ZFHX3: variants seen among roughly 807,000 people sequenced by gnomAD.
ZFHX3 encodes zinc finger homeobox protein 3.
In ZFHX3, 42 loss-of-function variants were observed where a neutral mutation model predicts 279.1. That is an observed-to-expected ratio of 0.15 (90% confidence interval 0.12 to 0.19). ZFHX3 has a LOEUF of 0.19. Among genes scored for constraint, ZFHX3 ranks in the 10% least tolerant of loss-of-function variants. The pLI is 1.00. For missense variants in ZFHX3, 4,981 were observed against 4,754.0 expected (o/e 1.05, Z -1.40); for synonymous variants, 2,293 against 1,957.8 (o/e 1.17, Z -4.52).
At chr16:73,583,134 C>T (rs1056297356) in intron 2 of ZFHX3, among the ~76,000 whole-genome samples, 2 of 152,176 alleles carry the variant, frequency 1.3e-5, no homozygotes, top group African/African-American at 4.8e-5. Context: ...TTGCAGAAAA[C>T]TCAACCTGCA....
At chr16:72,982,265 G>C (rs930891882) in intron 1 of ZFHX3, among the ~76,000 whole-genome samples, 1 of 152,084 alleles carries the variant, frequency 6.6e-6, no homozygotes, top group African/African-American at 2.4e-5. Context: ...GATTTTACAG[G>C]TTTAAAAAAA....
intron 2 of ZFHX3, among the ~76,000 whole-genome samples, chr16:73,640,618 G>A (rs1390642361): frequency 1.3e-5 from 2 of 152,052 alleles, no homozygotes; most frequent in African/African-American, 4.8e-5. Context: ...TTGAATGGTA[G>A]GAAGATAAAA....
intron 1 of ZFHX3, among the ~76,000 whole-genome samples, chr16:73,705,383 G>C (rs1567556597): frequency 6.6e-6 from 1 of 152,074 alleles, no homozygotes; most frequent in African/African-American, 2.4e-5. Context: ...GAGAGGGTGA[G>C]AGCAGCAAAG....
chr16:73,580,730 C>A (rs9927483), intron 2 of ZFHX3, among the ~76,000 whole-genome samples: 4,230 of 151,798 alleles, frequency 0.028, 260 homozygotes, highest in African/African-American at 0.097. Flanking sequence ...CTGTCAAGCA[C>A]TCCCCTGCCA....
At chr16:73,509,091 C>T (rs1348072531) in intron 2 of ZFHX3, among the ~76,000 whole-genome samples, 4 of 152,210 alleles carry the variant, frequency 2.6e-5, no homozygotes, top group Non-Finnish European at 5.9e-5. Context: ...CCAAGGTCTT[C>T]CCTCCTTTGG....
At position 72,958,314 on chromosome 16, in the gene ZFHX3, C is replaced by A; in HGVS notation, c.1832G>T (p.Gly611Val). 1 of 1,614,078 alleles carries A rather than the reference C, an allele frequency of 6.2e-7. No homozygotes were observed. Among genetic ancestry groups the A allele is most frequent in the South Asian group, 1.1e-5 (1 of 91,086 alleles). Reference protein sequence around the residue: ...TAPEPNESTEGDDGGFVPHHQ... With the variant: ...TAPEPNESTEVDDGGFVPHHQ... ...ATGGGGAACGAAGCCCCCATCGTCA[C>A]CCTCTGTGCTTTCATTTGGTTCTGG... The change falls in exon 2 of 10, where the codon GGT (glycine) becomes GTT (valine). Residue 611 changes from glycine (G) to valine (V), a missense_variant. Gly to Val is a moderately radical substitution (Grantham distance 109). Around this residue, in one of 7 missense-constraint regions of ZFHX3, gnomAD observed 1,068 missense variants for 935.2 expected, o/e 1.14. Transcript: ENST00000268489.
intron 3 of ZFHX3, among the ~76,000 whole-genome samples, chr16:73,380,005 A>G (rs2016792329): frequency 6.6e-6 from 1 of 152,206 alleles, no homozygotes; most frequent in Admixed American, 6.5e-5. Flanking sequence ...TGATTCTACA[A>G]TGAAAACTGG....
At chr16:73,214,283 G>C (rs562080441) in intron 5 of ZFHX3, among the ~76,000 whole-genome samples, 108 of 152,324 alleles carry the variant, frequency 7.1e-4, no homozygotes, top group African/African-American at 2.5e-3. Flanking sequence ...GGGCTACCAG[G>C]CTGGATGCAG....
Position 73,250,777 on chromosome 16 carries a change from G to A in ZFHX3, c.-1104+6270C>T, listed in dbSNP as rs376059044. Among the ~76,000 whole-genome samples the A allele has an allele frequency of 6.6e-5, 10 of 152,104 alleles. No homozygotes were observed. In the East Asian group the frequency reaches 7.7e-4, roughly 12 times the overall value. ...TCTCCATCTCCTGACCTCATGATCC[G>A]CCCGCCTCAGGCTCCCAAAGTGCTG... On this transcript the variant is annotated intron_variant, in intron 5 of 17. Transcript: ENST00000641206.
At chr16:73,074,200 G>T (rs1277605043) in intron 8 of ZFHX3, among the ~76,000 whole-genome samples, 1 of 152,184 alleles carries the variant, frequency 6.6e-6, no homozygotes, top group Non-Finnish European at 1.5e-5. Flanking sequence ...TACGAAGGAG[G>T]TTCTTTCTCC....
In ZFHX3 at chr16:73,471,415, C is replaced by T. The variant is rs1292732199; in HGVS notation, c.-1546-15157G>A. ...TTTGTGAATCTCTTTCTTTTTCTTT[C>T]TTTTTTTTTTTAGACAGAATTTCAC... On this transcript the variant is annotated intron_variant, in intron 2 of 17. Transcript: ENST00000641206. Among the ~76,000 whole-genome samples, 4 of 145,790 alleles carry T rather than the reference C, an allele frequency of 2.7e-5. No homozygotes were observed. The East Asian group carries it at 8.0e-4, about 29-fold the overall frequency.
At chr16:73,799,377 A>G (rs1764821078) in intron 1 of ZFHX3, among the ~76,000 whole-genome samples, 1 of 152,224 alleles carries the variant, frequency 6.6e-6, no homozygotes, top group South Asian at 2.1e-4. Flanking sequence ...ATATTACGAC[A>G]GTGGATGACA....
intron 3 of ZFHX3, among the ~76,000 whole-genome samples, chr16:73,407,600 C>A (rs1040492367): frequency 6.6e-6 from 1 of 152,172 alleles, no homozygotes; most frequent in African/African-American, 2.4e-5. Flanking sequence ...GAGCTTTCCA[C>A]CTTTAGTCTC....
chr16:73,451,751 T>G (rs1275238686), intron 3 of ZFHX3, among the ~76,000 whole-genome samples: 1 of 152,172 alleles, frequency 6.6e-6, no homozygotes, highest in Non-Finnish European at 1.5e-5. Flanking sequence ...TTTTTGGGCA[T>G]AAAAGAATTT....
At chr16:72,943,821 C>A (rs1319168520) in intron 3 of ZFHX3, among the ~76,000 whole-genome samples, 1 of 152,126 alleles carries the variant, frequency 6.6e-6, no homozygotes, top group African/African-American at 2.4e-5. Context: ...GAATCATGTT[C>A]CTAGCTCATT....
intron 8 of ZFHX3, among the ~76,000 whole-genome samples, chr16:73,072,234 C>T (rs1331010456): frequency 6.6e-6 from 1 of 152,054 alleles, no homozygotes; most frequent in African/African-American, 2.4e-5. Context: ...CACTGGAGGT[C>T]AGGAGTTCAA....
At chr16:73,811,397 C>T (rs1327708232) in intron 1 of ZFHX3, among the ~76,000 whole-genome samples, 1 of 151,788 alleles carries the variant, frequency 6.6e-6, no homozygotes, top group Non-Finnish European at 1.5e-5. Flanking sequence ...ATGGCTAATA[C>T]CCATGAAAGC....
At chr16:73,797,411 G>A (rs78690322) in intron 1 of ZFHX3, among the ~76,000 whole-genome samples, 1 of 152,184 alleles carries the variant, frequency 6.6e-6, no homozygotes, top group Non-Finnish European at 1.5e-5. Context: ...TTCTGGAACT[G>A]CACAAAGCAA....
chr16:72,879,076 G>A (rs1016155305), intron 4 of ZFHX3, among the ~76,000 whole-genome samples: 2 of 152,206 alleles, frequency 1.3e-5, no homozygotes. Context: ...GAAGCAGGAT[G>A]TGACTTGCCC....
Sources: gnomAD v4.1 joint callset for allele counts (sites outside exome capture counted in the v4.1 genomes callset) on GRCh38, gnomAD v4.1.1 for gene constraint, gnomAD v4.1.1 regional missense constraint, MANE v1.5 for transcripts, NCBI Gene and HGNC (gene_info 2026-07-23, HGNC 2026-07-21) for gene names.